SEC16A: variants seen among roughly 807,000 people sequenced by gnomAD.
SEC16A encodes protein transport protein Sec16A.
In SEC16A, 110 loss-of-function variants were observed where a neutral mutation model predicts 221.9. The ratio of observed to expected loss-of-function variants is 0.50; its 90% CI spans 0.42 to 0.58. SEC16A has a LOEUF of 0.58. Ranked by LOEUF, SEC16A falls within the 20% of genes least tolerant of loss-of-function variation. The probability of loss-of-function intolerance (pLI) is 0.00; values close to 1 mark genes in which losing one functional copy is unlikely to be tolerated. For synonymous variants in SEC16A, 1,393 were observed against 1,257.7 expected (o/e 1.11, Z -2.28); for missense variants, 3,165 against 3,097.8 (o/e 1.02, Z -0.52).
chr9:136,475,419 C>G lies in SEC16A; in HGVS notation c.2197G>C (p.Asp733His). ...GCCAGAAGGACGTTGCCTCCAAAAT[C>G]TGGCAGCTCACTTTGCGCCCACAGA... ...TTLWAQSELPDFGGNVLLAPA... is the reference protein window; with the variant it reads ...TTLWAQSELPHFGGNVLLAPA... The change falls in exon 3 of 32, where the codon GAT becomes CAT. Residue 733 changes from aspartate to histidine, a missense_variant. Asp to His is a moderately conservative substitution (Grantham distance 81, BLOSUM62 -1). Transcript: ENST00000684901. The surrounding 1 kb of genome is among the most constrained non-coding windows in gnomAD (Gnocchi z 5.0). 6.2e-7 allele frequency: 1 copy of G among 1,610,904 alleles called. No individual in the cohort carries two copies. The highest frequency in any genetic ancestry group is 8.5e-7 in the Non-Finnish European group (1 of 1,177,900).
At chr9:136,483,311 T>A (rs1315259047), upstream of SEC16A, among the ~76,000 whole-genome samples, 2 of 104,978 alleles carry the variant, frequency 1.9e-5, no homozygotes, top group Non-Finnish European at 3.8e-5. Flanking sequence ...CCACGCCTTA[T>A]CCTGTAGTTC....
chr9:136,466,136 T>C lies in SEC16A; in HGVS notation c.4129A>G (p.Ser1377Gly). 6.3e-7 allele frequency: 1 copy of C among 1,588,972 alleles called. No homozygotes were observed. The highest frequency in any genetic ancestry group is 1.1e-5 in the South Asian group (1 of 88,618). The change falls in exon 8 of 32, where the codon AGT becomes GGT. Residue 1377 changes from serine (S) to glycine (G), a missense_variant and splice_region_variant. Ser to Gly is a moderately conservative substitution (Grantham distance 56, BLOSUM62 0). Around this residue, in one of 3 missense-constraint regions of SEC16A, gnomAD observed 2,030 missense variants for 1,923.1 expected, o/e 1.06. Transcript: ENST00000684901. The surrounding 1 kb of genome is among the most constrained non-coding windows in gnomAD (Gnocchi z 5.5). ...RSSLSSHSHQSQIYRSHNVAA... is the reference protein window; with the variant it reads ...RSSLSSHSHQGQIYRSHNVAA... Reference sequence around the variant, plus strand: ...ACATTGTGGCTTCTGTAAATCTGACTCTTAGAAAACAAAGCAAACGGGCAA... The same window carrying C: ...ACATTGTGGCTTCTGTAAATCTGACCCTTAGAAAACAAAGCAAACGGGCAA...
intron 20 of SEC16A, among the ~76,000 whole-genome samples, chr9:136,455,114 C>T (rs928160060): frequency 2.6e-5 from 4 of 152,194 alleles, no homozygotes; most frequent in African/African-American, 4.8e-5. Flanking sequence ...TGCGGACCTG[C>T]GTGCAGGCCG....
At chr9:136,450,496 G>A (rs915491447) in intron 23 of SEC16A, among the ~76,000 whole-genome samples, 4 of 152,104 alleles carry the variant, frequency 2.6e-5, no homozygotes, top group African/African-American at 7.2e-5. Flanking sequence ...AAAAAACAAC[G>A]GATAGAGACT....
intron 24 of SEC16A, 80 bp downstream of exon 24, chr9:136,448,004 C>T: frequency 4.6e-6 from 7 of 1,522,102 alleles, no homozygotes; most frequent in Non-Finnish European, 6.3e-6. Flanking sequence ...TCAGGAAACA[C>T]CTACTCAGGT....
At chr9:136,450,232 A>C (rs928538317) in intron 23 of SEC16A, among the ~76,000 whole-genome samples, 2 of 152,010 alleles carry the variant, frequency 1.3e-5, no homozygotes, top group South Asian at 2.1e-4. Flanking sequence ...AACAAACAAA[A>C]AACCATTACA....
upstream of SEC16A, chr9:136,483,352 C>G: frequency 2.7e-6 from 1 of 372,576 alleles, no homozygotes; most frequent in Non-Finnish European, 3.6e-6. Context: ...CCTCTTCCGT[C>G]GTTCCTCGCC....
rs755098498 is a variant in SEC16A at position 136,456,035 on chromosome 9, C to T, written c.5664+18G>A. The T allele has an allele frequency of 1.1e-4, 177 of 1,598,268 alleles. No individual in the cohort carries two copies. Among genetic ancestry groups the T allele is most frequent in the Non-Finnish European group, 1.5e-5 (18 of 1,168,278 alleles). ...ACCTTGCCAGACGCCTCTGTGCCAC[C>T]CCAAGCCAAGGCTGTACCTTAATCT... On this transcript the variant is annotated intron_variant, in intron 19 of 31. Transcript: ENST00000684901.
rs368596652 is a variant in SEC16A at position 136,459,976 on chromosome 9, G to C, written c.5073+66C>G. 6.5e-7 allele frequency: 1 copy of C among 1,539,612 alleles called. No individual in the cohort carries two copies. Among genetic ancestry groups the C allele is most frequent in the African/African-American group, 1.4e-5 (1 of 73,104 alleles). ...CAGGCACCTCACGGCCTGTGACAGC[G>C]TCACCCACGAGCAAACTCCACACAG... is the stretch of plus-strand genomic sequence containing the variant. On this transcript the variant is annotated intron_variant, in intron 14 of 31. Transcript: ENST00000684901. The surrounding 1 kb of genome is among the most constrained non-coding windows in gnomAD (Gnocchi z 6.1).
chr9:136,453,561 C>T (rs1588903280), intron 21 of SEC16A, 51 bp from the exon 22 acceptor site: 17 of 1,472,078 alleles, frequency 1.2e-5, no homozygotes, highest in East Asian at 1.1e-4. Flanking sequence ...GAAGGCGGGA[C>T]GTGTGTGTGG....
chr9:136,482,250 G>C (rs1402052952), intron 1 of SEC16A, among the ~76,000 whole-genome samples: 2 of 152,202 alleles, frequency 1.3e-5, no homozygotes, highest in Non-Finnish European at 2.9e-5. Flanking sequence ...CGTTTGCTTC[G>C]TATTGCCACA....
chr9:136,444,312 CAGA>C (rs1836641898), intron 30 of SEC16A, among the ~76,000 whole-genome samples: 1 of 151,854 alleles, frequency 6.6e-6, no homozygotes, highest in Non-Finnish European at 1.5e-5. Flanking sequence ...CCTGGACAGG[CAGA>C]AGATGAAGCG....
intron 5 of SEC16A, among the ~76,000 whole-genome samples, chr9:136,467,641 T>A (rs905526463): frequency 1.3e-5 from 2 of 152,242 alleles, no homozygotes; most frequent in Admixed American, 1.3e-4. Context: ...TTAAAAGGGC[T>A]CTAAACAAAC....
chr9:136,451,200 T>C (rs948594834), intron 23 of SEC16A, 56 bp downstream of exon 23: 2 of 1,557,608 alleles, frequency 1.3e-6, no homozygotes, highest in Non-Finnish European at 1.7e-6. Flanking sequence ...CTGGGAAGCG[T>C]GCCTCCTGCC....
At chr9:136,483,384 TTA>T (rs1842665905), upstream of SEC16A, 1 of 178,716 alleles carries the variant, frequency 5.6e-6, no homozygotes, top group Non-Finnish European at 7.2e-6. Flanking sequence ...TCCCGCCCCC[TTA>T]GCCCCGCCCG....
In SEC16A at chr9:136,457,729, T is replaced by C. The variant is rs1412236055; in HGVS notation, c.5410-145A>G. 5.8e-6 allele frequency: 6 copies of C among 1,035,964 alleles called. No individual in the cohort carries two copies. The African/African-American group carries it at 9.6e-5, about 17-fold the overall frequency. The allele number at this position is 1,035,964 out of a possible 1,614,324, so 64.2% of individuals were successfully genotyped here. On this transcript the variant is annotated intron_variant, in intron 17 of 31. Transcript: ENST00000684901. Reference sequence around the variant, plus strand: ...ACTCTTCTGGACACTTCACTCATCATCGTCTCCCACCCACCACGCCCGCTG... The same window carrying C: ...ACTCTTCTGGACACTTCACTCATCACCGTCTCCCACCCACCACGCCCGCTG...
At chr9:136,481,851 A>G (rs758039376) in intron 1 of SEC16A, among the ~76,000 whole-genome samples, 4 of 152,338 alleles carry the variant, frequency 2.6e-5, no homozygotes, top group East Asian at 1.9e-4. Flanking sequence ...AGAGGAAGCC[A>G]GCGACAGAGG....
At position 136,483,023 on chromosome 9, in the gene SEC16A, A is replaced by G. The variant is rs867839167; in HGVS notation, c.-277T>C. ...CGAGCACAGACACCTCAGCCGCCGC[A>G]GCCATCTTGGCACATCCGGCTCGGG... On this transcript the variant is annotated 5_prime_UTR_variant, in exon 1 of 32. Coordinates refer to ENST00000684901, the MANE Select transcript of SEC16A (RefSeq NM_014866.2). 1 of 985,030 alleles carries G rather than the reference A, an allele frequency of 1.0e-6. No homozygotes were observed. Among genetic ancestry groups the G allele is most frequent in the East Asian group, 1.1e-4 (1 of 8,796 alleles). 61.0% of individuals were successfully genotyped at this position (985,030 alleles called of 1,614,324 possible). A position where few individuals can be genotyped will look rare whatever the true frequency, so the allele number is the denominator to read the frequency against.
rs773083928 is a variant in SEC16A, at chr9:136,446,965, C to T, written c.6698-16G>A. ...TCTTCTGCATCTGGGGATGAGAGAG[C>T]GAGGAGGCCATCATTCCGTCCCGAA... On this transcript the variant is annotated splice_polypyrimidine_tract_variant and intron_variant, in intron 27 of 31. Transcript: ENST00000684901. 5.6e-6 allele frequency: 9 copies of T among 1,613,352 alleles called. No homozygotes were observed. The highest frequency in any genetic ancestry group is 1.7e-4 in the Middle Eastern group (1 of 6,058).
Sources: allele counts gnomAD v4.1 joint callset (sites outside exome capture counted in the v4.1 genomes callset), GRCh38; gene constraint gnomAD v4.1.1; regional missense constraint gnomAD v4.1.1; non-coding constraint Gnocchi (gnomAD v3.1); transcripts MANE v1.5; gene names NCBI Gene and HGNC (gene_info 2026-07-23, HGNC 2026-07-21).